Variants in CSRNP3 observed in about 807,000 individuals in gnomAD.
The protein encoded by CSRNP3 is cysteine and serine rich nuclear protein 3, also known as cysteine/serine-rich nuclear protein 3.
Under a neutral mutation model 48.0 loss-of-function variants are expected in CSRNP3, and 12 were observed. The observed-to-expected ratio is 0.25, with a 90% CI of 0.16 to 0.41. The LOEUF is 0.41. CSRNP3 is among the 10% of genes least tolerant of loss of function. The pLI is 1.00. For missense variants in CSRNP3, 580 were observed against 724.4 expected (o/e 0.80, Z 2.29); for synonymous variants, 263 against 269.7 (o/e 0.98, Z 0.24).
chr2:165,546,957 T>C (rs1685038545), intron 3 of CSRNP3, among the ~76,000 whole-genome samples: 1 of 152,188 alleles, frequency 6.6e-6, no homozygotes, highest in Non-Finnish European at 1.5e-5. Context: ...TTAGTAAGCA[T>C]TGTAAAAATA....
At chr2:165,489,911 C>T (rs1259742143) in intron 1 of CSRNP3, among the ~76,000 whole-genome samples, 4 of 148,576 alleles carry the variant, frequency 2.7e-5, no homozygotes, top group Non-Finnish European at 5.9e-5. Flanking sequence ...CCTCTCTCAC[C>T]GCTCCTATTC....
chr2:165,516,401 G>A (rs1235125632), intron 2 of CSRNP3, among the ~76,000 whole-genome samples: 1 of 152,088 alleles, frequency 6.6e-6, no homozygotes, highest in Non-Finnish European at 1.5e-5. Context: ...GTACGGCAAG[G>A]TGACTATAGT....
intron 1 of CSRNP3, among the ~76,000 whole-genome samples, chr2:165,474,072 A>G (rs1256690824): frequency 6.6e-6 from 1 of 152,038 alleles, no homozygotes; most frequent in East Asian, 1.9e-4. Flanking sequence ...TTAATACATT[A>G]TTTTCCAATA....
chr2:165,674,451 C>G (rs1018621455), intron 5 of CSRNP3, among the ~76,000 whole-genome samples: 2 of 151,688 alleles, frequency 1.3e-5, no homozygotes, highest in Non-Finnish European at 2.9e-5. Flanking sequence ...CAAACACAAC[C>G]AGTCAATGTG....
At chr2:165,524,005 C>A (rs6722792) in intron 3 of CSRNP3, among the ~76,000 whole-genome samples, 1 of 152,046 alleles carries the variant, frequency 6.6e-6, no homozygotes, top group Non-Finnish European at 1.5e-5. Flanking sequence ...ACAAGTTATG[C>A]GAAATGTCTA....
At chr2:165,597,261 A>G (rs552337383) in intron 4 of CSRNP3, among the ~76,000 whole-genome samples, 2 of 152,328 alleles carry the variant, frequency 1.3e-5, no homozygotes, top group East Asian at 1.9e-4. Flanking sequence ...AAAATCTTCA[A>G]CTGGCATTTC....
intron 3 of CSRNP3, among the ~76,000 whole-genome samples, chr2:165,569,238 A>C (rs1685337231): frequency 6.6e-6 from 1 of 152,082 alleles, no homozygotes; most frequent in South Asian, 2.1e-4. Flanking sequence ...AAATATAGCA[A>C]GAAAATCCAG....
Position 165,604,344 on chromosome 2 carries a change from T to C in CSRNP3, c.148+9131T>C, listed in dbSNP as rs180905597. On this transcript the variant is annotated intron_variant, in intron 4 of 6. Transcript: ENST00000651982. ...TTACTGTTAAATGCTTAATAACATTTAGCTTTGTAAAGTCTTGTCTTCTTT... is the reference window on the plus strand; with the variant it reads ...TTACTGTTAAATGCTTAATAACATTCAGCTTTGTAAAGTCTTGTCTTCTTT... 1.7e-4 allele frequency among the ~76,000 whole-genome samples: 26 copies of C among 152,360 alleles called. No individual in the cohort carries two copies. The East Asian group carries it at 4.8e-3, about 28-fold the overall frequency.
intron 4 of CSRNP3, among the ~76,000 whole-genome samples, chr2:165,601,619 G>C (rs1228978859): frequency 1.3e-5 from 2 of 151,966 alleles, no homozygotes; most frequent in African/African-American, 4.8e-5. Flanking sequence ...CTTTACCCAA[G>C]AGCTAAGATA....
rs748604034 is a variant in CSRNP3, at chr2:165,657,745, T to C, written c.149-16T>C. 10 of 1,611,586 alleles carry C rather than the reference T, an allele frequency of 6.2e-6. No individual in the cohort carries two copies. The highest frequency in any genetic ancestry group is 6.8e-6 in the Non-Finnish European group (8 of 1,177,894). On this transcript the variant is annotated splice_polypyrimidine_tract_variant and intron_variant, in intron 4 of 6. Transcript: ENST00000651982. ...GCTGCCCCAAGTGTTCACAGGATTG[T>C]TTCTTTCTCTTTCAGCTTCCTCCAT...
chr2:165,564,354 C>T (rs1438035436), intron 3 of CSRNP3, among the ~76,000 whole-genome samples: 1 of 151,966 alleles, frequency 6.6e-6, no homozygotes, highest in African/African-American at 2.4e-5. Context: ...AACTTTAATA[C>T]AACTAATTCC....
At chr2:165,519,934 G>A (rs954531341) in intron 3 of CSRNP3, among the ~76,000 whole-genome samples, 3 of 152,084 alleles carry the variant, frequency 2.0e-5, no homozygotes, top group Non-Finnish European at 4.4e-5. Context: ...AGAGATAGAT[G>A]TCACTTCTGT....
intron 3 of CSRNP3, among the ~76,000 whole-genome samples, chr2:165,555,904 G>A (rs1685155288): frequency 6.6e-6 from 1 of 152,184 alleles, no homozygotes; most frequent in Non-Finnish European, 1.5e-5. Context: ...AGGTAAGACT[G>A]AGACGGGAAG....
intron 1 of CSRNP3, among the ~76,000 whole-genome samples, chr2:165,490,942 G>T (rs1041791629): frequency 7.2e-6 from 1 of 138,312 alleles, no homozygotes; most frequent in African/African-American, 2.6e-5. Flanking sequence ...AGCCAAAATT[G>T]ACAAATGGGA....
chr2:165,620,968 A>G (rs1278908349), intron 4 of CSRNP3, among the ~76,000 whole-genome samples: 1 of 152,042 alleles, frequency 6.6e-6, no homozygotes, highest in East Asian at 1.9e-4. Context: ...TAATTATTTA[A>G]CCCACTTTTT....
At position 165,560,674 on chromosome 2, in the gene CSRNP3, C is replaced by A. The variant is rs1685223123; in HGVS notation, c.-23-34369C>A. On this transcript the variant is annotated intron_variant, in intron 3 of 6. Coordinates refer to ENST00000651982, the MANE Select transcript of CSRNP3 (RefSeq NM_001172173.2). ...GCTACCAAATGGAGTTTGAGTTATT[C>A]AAATCATTCTGTTTTAGGTAGGAAG... Among the ~76,000 whole-genome samples the A allele has an allele frequency of 1.3e-5, 2 of 152,166 alleles. 1 individual carries two copies. Among genetic ancestry groups the A allele is most frequent in the South Asian group, 4.1e-4 (2 of 4,828 alleles).
rs144615764 is a variant in CSRNP3 at position 165,526,286 on chromosome 2, A to C, written c.-24+8325A>C. The stretch of plus-strand genomic sequence containing the variant: ...AAGCCTGCTGAGATTTTGATCGGAA[A>C]ATTTACCTATGCACATTAGAAAATT... On this transcript the variant is annotated intron_variant, in intron 3 of 6. Coordinates refer to ENST00000651982, the MANE Select transcript of CSRNP3 (RefSeq NM_001172173.2). Among the ~76,000 whole-genome samples, 83 of 152,282 alleles carry C rather than the reference A, an allele frequency of 5.5e-4. No individual in the cohort carries two copies. The East Asian group carries it at 0.015, about 28-fold the overall frequency.
intron 3 of CSRNP3, among the ~76,000 whole-genome samples, chr2:165,544,541 TAGG>T (rs1339428153): frequency 6.8e-6 from 1 of 147,678 alleles, no homozygotes; most frequent in Non-Finnish European, 1.5e-5. Context: ...AGAAAAAATG[TAGG>T]AGATCTTTTC....
chr2:165,679,545 G>A lies in CSRNP3; in HGVS notation c.1550G>A (p.Ser517Asn). 1 of 1,613,830 alleles carries A rather than the reference G, an allele frequency of 6.2e-7. No individual in the cohort carries two copies. Among genetic ancestry groups the A allele is most frequent in the Non-Finnish European group, 8.5e-7 (1 of 1,179,992 alleles). Residue 517 changes from serine (S) to asparagine (N), a missense_variant, in exon 7 of 7, where the codon AGT becomes AAT. Transcript: ENST00000651982. ...AATGATAGCGGTGTGCCCTGCAATA[G>A]TTTATATCCTGAACACAGGTCCAAT... ...SENDSGVPCN[S>N]LYPEHRSNHP...
Sources: allele counts gnomAD v4.1 joint callset (sites outside exome capture counted in the v4.1 genomes callset), GRCh38; gene constraint gnomAD v4.1.1; transcripts MANE v1.5; gene names NCBI Gene and HGNC (gene_info 2026-07-23, HGNC 2026-07-21).